The following RYR2 variants were observed in gnomAD, a reference collection of about 807,000 sequenced individuals.
The protein encoded by RYR2 is cardiac muscle ryanodine receptor-calcium release channel.
In RYR2, 227 loss-of-function variants were observed where a neutral mutation model predicts 601.1. The ratio of observed to expected loss-of-function variants is 0.38; its 90% CI spans 0.34 to 0.42. The LOEUF (loss-of-function observed/expected upper bound fraction) is 0.42. Ranked by LOEUF, RYR2 falls within the 10% of genes least tolerant of loss-of-function variation. The pLI is 1.00. For synonymous variants in RYR2, 2,223 were observed against 2,175.1 expected, an observed-to-expected ratio of 1.02 and a Z score of -0.61; for missense variants, 4,646 against 6,156.5, an observed-to-expected ratio of 0.75 and a Z score of 8.21.
chr1:237,236,784 T>C (rs1685589339), intron 1 of RYR2, among the ~76,000 whole-genome samples: 1 of 152,182 alleles, frequency 6.6e-6, no homozygotes, highest in African/African-American at 2.4e-5. Flanking sequence ...TGAGATATCA[T>C]GTTGAGGAAT....
intron 23 of RYR2, among the ~76,000 whole-genome samples, chr1:237,508,054 A>C (rs116787671): frequency 0.01 from 1,533 of 151,928 alleles, 29 homozygotes; most frequent in African/African-American, 0.033. Flanking sequence ...ACCTCCACCT[A>C]CCCGGTTTAA....
chr1:237,297,940 T>TTTTG (rs57257765), intron 2 of RYR2, among the ~76,000 whole-genome samples: 1 of 150,516 alleles, frequency 6.6e-6, no homozygotes, highest in Non-Finnish European at 1.5e-5. Context: ...TTTTTTTTTT[T>TTTTG]GTAGAGGTGT....
At chr1:237,206,844 G>T (rs1250285381) in intron 1 of RYR2, among the ~76,000 whole-genome samples, 2 of 152,122 alleles carry the variant, frequency 1.3e-5, no homozygotes, top group East Asian at 1.9e-4. Context: ...ACATTGAAAA[G>T]ACTACTGATA....
intron 1 of RYR2, among the ~76,000 whole-genome samples, chr1:237,101,874 C>T (rs1468040924): frequency 1.3e-5 from 2 of 152,130 alleles, no homozygotes; most frequent in Non-Finnish European, 2.9e-5. Flanking sequence ...TCCATCTAAG[C>T]AAGGTGGGGG....
At chr1:237,552,913 A>G (rs1174440064) in intron 27 of RYR2, among the ~76,000 whole-genome samples, 1 of 151,942 alleles carries the variant, frequency 6.6e-6, no homozygotes, top group Non-Finnish European at 1.5e-5. Context: ...AATATTTAGG[A>G]GTATAATTAC....
chr1:237,060,482 C>T (rs982663182), intron 1 of RYR2, among the ~76,000 whole-genome samples: 1 of 152,126 alleles, frequency 6.6e-6, no homozygotes, highest in African/African-American at 2.4e-5. Context: ...TGAATATTTG[C>T]AGTGTGAACG....
chr1:237,299,960 T>C (rs1693189889), intron 2 of RYR2, among the ~76,000 whole-genome samples: 1 of 152,202 alleles, frequency 6.6e-6, no homozygotes, highest in African/African-American at 2.4e-5. Context: ...CTTTCTCAAG[T>C]TGAAGAATGT....
At chr1:237,733,122 GAATTTTTC>G (rs1342058348) in intron 78 of RYR2, among the ~76,000 whole-genome samples, 1 of 152,122 alleles carries the variant, frequency 6.6e-6, no homozygotes, top group Non-Finnish European at 1.5e-5. Context: ...TCTCATAAGT[GAATTTTTC>G]TCATGGCTGA....
intron 1 of RYR2, among the ~76,000 whole-genome samples, chr1:237,216,128 ATATT>A (rs1165952970): frequency 1.3e-5 from 2 of 152,194 alleles, no homozygotes; most frequent in Non-Finnish European, 2.9e-5. Flanking sequence ...GGAATGAAAA[ATATT>A]AATCTAGTAA....
Position 237,610,154 on chromosome 1 carries a change from T to C in RYR2, c.4684-608T>C, listed in dbSNP as rs955014026. ...TTTTGGCAAAGCAGAGACCTCTCTT[T>C]CTTTGACACCAGACAGAAAGAATTA... On this transcript the variant is annotated intron_variant, in intron 35 of 104. Transcript: ENST00000366574. This position sits in a 1 kb window ranked among gnomAD's most constrained non-coding sequence, Gnocchi z 4.9. Among the ~76,000 whole-genome samples the C allele has an allele frequency of 2.0e-5, 3 of 152,234 alleles. No individual in the cohort carries two copies. Among genetic ancestry groups the C allele is most frequent in the African/African-American group, 7.2e-5 (3 of 41,466 alleles).
At chr1:237,056,674 G>GCTA (rs1274099288) in intron 1 of RYR2, among the ~76,000 whole-genome samples, 6,107 of 77,068 alleles carry the variant, frequency 0.079, 76 homozygotes, top group East Asian at 0.17. Flanking sequence ...AGACTGCATT[G>GCTA]TGAGGACTGG....
intron 1 of RYR2, among the ~76,000 whole-genome samples, chr1:237,105,275 G>A (rs1336600680): frequency 1.3e-5 from 2 of 152,194 alleles, no homozygotes; most frequent in Non-Finnish European, 1.5e-5. Flanking sequence ...GTCTGGTGGG[G>A]AAGACCTGTT....
chr1:237,597,727 C>T (rs934326660), intron 34 of RYR2, among the ~76,000 whole-genome samples: 5 of 152,014 alleles, frequency 3.3e-5, no homozygotes, highest in Non-Finnish European at 1.5e-5. Context: ...CAAAGCTTAG[C>T]ACCACAAAAA....
intron 1 of RYR2, among the ~76,000 whole-genome samples, chr1:237,148,500 TCCC>T (rs1674262098): frequency 7.8e-5 from 9 of 115,740 alleles, no homozygotes; most frequent in African/African-American, 3.0e-4. Context: ...TGCACATGTA[TCCC>T]AGAACTTCAA....
chr1:237,589,626 C>A (rs1444197474), intron 29 of RYR2, among the ~76,000 whole-genome samples, 167 bp from the exon 30 acceptor site: 1 of 152,144 alleles, frequency 6.6e-6, no homozygotes, highest in Non-Finnish European at 1.5e-5. Flanking sequence ...GTTTTCTCAC[C>A]CTTATGGGTA....
At chr1:237,531,403 TA>T (rs538747850) in intron 25 of RYR2, among the ~76,000 whole-genome samples, 19 of 152,216 alleles carry the variant, frequency 1.2e-4, no homozygotes, top group Non-Finnish European at 1.9e-4. Flanking sequence ...CAATAAATGA[TA>T]GCTGTTTCAT....
chr1:237,374,845 G>A, intron 7 of RYR2, 50 bp downstream of exon 7: 2 of 1,443,504 alleles, frequency 1.4e-6, no homozygotes, highest in Non-Finnish European at 1.9e-6. Flanking sequence ...ACCCTGCAGG[G>A]GTTGGATTGG....
At chr1:237,223,946 T>C (rs1684091518) in intron 1 of RYR2, among the ~76,000 whole-genome samples, 1 of 152,236 alleles carries the variant, frequency 6.6e-6, no homozygotes, top group African/African-American at 2.4e-5. Flanking sequence ...TTTCCTACAA[T>C]TTTGAAATTA....
chr1:237,723,266 A>G lies in RYR2; in HGVS notation c.10689+4A>G. 1.9e-6 allele frequency: 3 copies of G among 1,607,566 alleles called. No individual in the cohort carries two copies. The highest frequency in any genetic ancestry group is 2.6e-6 in the Non-Finnish European group (3 of 1,176,238). ...TGTGCTTTTTCATCTTGAACAGGTC[A>G]GGCTTTGTGTCAATTCAATCATATT... is the stretch of plus-strand genomic sequence containing the variant. On this transcript the variant is annotated splice_donor_region_variant and intron_variant, in intron 74 of 104. Coordinates refer to ENST00000366574, the MANE Select transcript of RYR2 (RefSeq NM_001035.3).
Sources: allele counts gnomAD v4.1 joint callset (sites outside exome capture counted in the v4.1 genomes callset), GRCh38; gene constraint gnomAD v4.1.1; non-coding constraint Gnocchi (gnomAD v3.1); transcripts MANE v1.5; gene names NCBI Gene and HGNC (gene_info 2026-07-23, HGNC 2026-07-21).